GRIP1: variants seen among roughly 807,000 people sequenced by gnomAD.
GRIP1 encodes glutamate receptor interacting protein 1.
GRIP1 carries 45 observed loss-of-function variants against 129.9 expected under a neutral mutation model. That is an observed-to-expected ratio of 0.35 (90% CI 0.27 to 0.44). The LOEUF (loss-of-function observed/expected upper bound fraction) is 0.44, where lower values mean the gene tolerates loss of function less well. GRIP1 is among the 20% of genes least tolerant of loss of function. The pLI is 1.00. For missense variants in GRIP1, 1,196 were observed against 1,396.8 expected (o/e 0.86, Z 2.29); for synonymous variants, 530 against 520.8 (o/e 1.02, Z -0.24).
rs1414789328 is a variant in GRIP1, at chr12:66,467,445, G to A, written c.725-2023C>T. Among the ~76,000 whole-genome samples the A allele has an allele frequency of 3.3e-5, 5 of 152,212 alleles. No homozygotes were observed. The East Asian group carries it at 9.7e-4, about 29-fold the overall frequency. ...CTGCAGAGTCTCACCTGGTCATTGT[G>A]CGTCCTGCCTTACTCTCATCTTGGA... On this transcript the variant is annotated intron_variant, in intron 7 of 24. Transcript: ENST00000359742.
chr12:67,033,444 G>A (rs1182662503), intron 1 of GRIP1, among the ~76,000 whole-genome samples: 1 of 151,986 alleles, frequency 6.6e-6, no homozygotes, highest in Non-Finnish European at 1.5e-5. Flanking sequence ...ACCTACACAA[G>A]GAGTTCTCAC....
intron 7 of GRIP1, among the ~76,000 whole-genome samples, chr12:66,497,018 G>A (rs1234225718): frequency 6.6e-6 from 1 of 152,204 alleles, no homozygotes; most frequent in Admixed American, 6.5e-5. Context: ...AAGAGTAAAT[G>A]TGCACTCTCA....
At chr12:67,029,111 A>C (rs1462706799) in intron 1 of GRIP1, among the ~76,000 whole-genome samples, 1 of 152,156 alleles carries the variant, frequency 6.6e-6, no homozygotes, top group African/African-American at 2.4e-5. Flanking sequence ...TACAAAAAAA[A>C]TAAATTAAAA....
At chr12:66,701,449 A>G (rs1048936519) in intron 1 of GRIP1, among the ~76,000 whole-genome samples, 5 of 152,224 alleles carry the variant, frequency 3.3e-5, no homozygotes, top group Non-Finnish European at 7.3e-5. Context: ...AAAAAAGTAA[A>G]TCCTCTCCAA....
At chr12:66,901,793 CA>C (rs2040848221) in intron 1 of GRIP1, among the ~76,000 whole-genome samples, 1 of 152,178 alleles carries the variant, frequency 6.6e-6, no homozygotes. Context: ...ACAGGAAGGG[CA>C]AAGACCTGCT....
rs1316056370 is a variant in GRIP1, at chr12:66,612,446, C to T, written c.56-15519G>A. Among the ~76,000 whole-genome samples the T allele has an allele frequency of 2.6e-5, 4 of 152,022 alleles. No individual in the cohort carries two copies. In the East Asian group the frequency reaches 7.7e-4, roughly 29 times the overall value. ...GGCCTAGGTGGGAGGAATGCTTGAG[C>T]CCAGGAGTTCCAGACAAGCCTGGGT... is the stretch of plus-strand genomic sequence containing the variant. On this transcript the variant is annotated intron_variant, in intron 1 of 24. Coordinates refer to ENST00000359742, the MANE Select transcript of GRIP1 (RefSeq NM_001366722.1).
At chr12:66,429,449 C>G (rs2058081665) in intron 14 of GRIP1, among the ~76,000 whole-genome samples, 1 of 152,038 alleles carries the variant, frequency 6.6e-6, no homozygotes, top group Admixed American at 6.6e-5. Flanking sequence ...GTAATCCCAA[C>G]ACTTTAAGAG....
chr12:67,048,529 T>C (rs147862911), intron 1 of GRIP1, among the ~76,000 whole-genome samples: 2,649 of 152,224 alleles, frequency 0.017, 31 homozygotes, highest in Middle Eastern at 0.051. Flanking sequence ...TGCTCAATCA[T>C]GGCTCACTGC....
chr12:66,631,697 A>G lies in GRIP1; in HGVS notation c.56-34770T>C, dbSNP rs75008548. On this transcript the variant is annotated intron_variant, in intron 1 of 24. Coordinates refer to ENST00000359742, the MANE Select transcript of GRIP1 (RefSeq NM_001366722.1). ...CAAAGGGAAAAAGACAAGTGATACT[A>G]TGCTTATTATTATGGGAGACTGATG... is the stretch of plus-strand genomic sequence containing the variant. 1.4e-3 allele frequency among the ~76,000 whole-genome samples: 209 copies of G among 152,302 alleles called. 4 individuals are homozygous for G. In the East Asian group the frequency reaches 0.026, roughly 19 times the overall value.
At chr12:66,992,940 C>T (rs2042415541) in intron 1 of GRIP1, among the ~76,000 whole-genome samples, 1 of 152,048 alleles carries the variant, frequency 6.6e-6, no homozygotes, top group South Asian at 2.1e-4. Flanking sequence ...TGGTGAAACC[C>T]TGTGTATTCC....
intron 1 of GRIP1, among the ~76,000 whole-genome samples, chr12:66,787,821 A>ACC (rs2038402015): frequency 6.6e-6 from 1 of 152,020 alleles, no homozygotes; most frequent in Non-Finnish European, 1.5e-5. Flanking sequence ...GAACTAAGAT[A>ACC]CCCCCCAAAA....
chr12:66,888,960 T>C (rs533953209), intron 1 of GRIP1, among the ~76,000 whole-genome samples: 2 of 152,332 alleles, frequency 1.3e-5, no homozygotes, highest in African/African-American at 2.4e-5. Context: ...TTTATAATCA[T>C]AATGGGACAT....
intron 1 of GRIP1, among the ~76,000 whole-genome samples, chr12:66,842,401 G>A (rs1421269752): frequency 1.3e-5 from 2 of 152,096 alleles, no homozygotes; most frequent in Non-Finnish European, 2.9e-5. Flanking sequence ...TGTTTCTGGA[G>A]CAGACTGTCT....
intron 1 of GRIP1, among the ~76,000 whole-genome samples, chr12:66,613,614 A>AG (rs2064909514): frequency 6.6e-6 from 1 of 152,204 alleles, no homozygotes; most frequent in African/African-American, 2.4e-5. Flanking sequence ...ATGAAAAAAA[A>AG]GAACTTTCCG....
rs796619272 is a variant in GRIP1, at chr12:66,404,935, G to A, written c.1984+1348C>T. On this transcript the variant is annotated intron_variant, in intron 16 of 24. Coordinates refer to ENST00000359742, the MANE Select transcript of GRIP1 (RefSeq NM_001366722.1). Reference sequence around the variant, plus strand: ...TAGTTCCAGCTACTCAGGAGGCTGAGGCACAAGAATTGCTTGAACCTGGGA... The same window carrying A: ...TAGTTCCAGCTACTCAGGAGGCTGAAGCACAAGAATTGCTTGAACCTGGGA... 7.1e-4 allele frequency among the ~76,000 whole-genome samples: 108 copies of A among 152,246 alleles called. 1 individual carries two copies. The highest frequency in any genetic ancestry group is 2.4e-3 in the African/African-American group (101 of 41,534).
At chr12:66,369,453 G>A (rs1442657586) in intron 23 of GRIP1, among the ~76,000 whole-genome samples, 1 of 151,354 alleles carries the variant, frequency 6.6e-6, no homozygotes, top group East Asian at 1.9e-4. Context: ...CAGTGAAGGA[G>A]GGATGAGAAA....
intron 2 of GRIP1, chr12:66,570,891 A>G (rs1163771561): frequency 6.6e-6 from 1 of 152,174 alleles, no homozygotes; most frequent in African/African-American, 2.4e-5. Context: ...AGTCACATAC[A>G]TTTGATTCTC....
intron 1 of GRIP1, among the ~76,000 whole-genome samples, chr12:66,800,724 A>G (rs547593528): frequency 1.3e-5 from 2 of 152,260 alleles, no homozygotes; most frequent in East Asian, 3.9e-4. Flanking sequence ...ATGGAATGTT[A>G]GGGTCCTTTT....
intron 1 of GRIP1, among the ~76,000 whole-genome samples, chr12:66,770,567 A>T (rs2037785951): frequency 6.6e-6 from 1 of 152,128 alleles, no homozygotes; most frequent in Admixed American, 6.5e-5. Context: ...GCACCTGGAG[A>T]AGCTGGGGCA....
Sources: allele counts gnomAD v4.1 joint callset (sites outside exome capture counted in the v4.1 genomes callset), GRCh38; gene constraint gnomAD v4.1.1; transcripts MANE v1.5; gene names NCBI Gene and HGNC (gene_info 2026-07-23, HGNC 2026-07-21).